ZNF7: variants seen among roughly 807,000 people sequenced by gnomAD.
The protein encoded by ZNF7 is C2-H2 type zinc finger protein.
A neutral mutation model predicts 12.0 loss-of-function variants in ZNF7; 10 were observed. That is an observed-to-expected ratio of 0.83 (90% CI 0.51 to 1.42). The LOEUF (loss-of-function observed/expected upper bound fraction) is 1.42. Among genes scored for constraint, ZNF7 ranks in the 40% most tolerant of loss-of-function variants. The pLI is 0.00. For synonymous variants in ZNF7, 334 were observed against 295.0 expected (o/e 1.13, Z -1.35); for missense variants, 854 against 837.2 (o/e 1.02, Z -0.25).
intron 4 of ZNF7, chr8:144,840,964 T>C (rs1829819122): frequency 4.9e-6 from 1 of 202,532 alleles, no homozygotes; most frequent in Admixed American, 5.4e-5. Flanking sequence ...CCCTGTACTG[T>C]TTCCTCGCCA....
rs1446107361 is a variant in ZNF7, at chr8:144,829,716, T to C, written c.130+112T>C. The C allele has an allele frequency of 5.1e-6, 7 of 1,368,696 alleles. No homozygotes were observed. The African/African-American group carries it at 8.7e-5, about 17-fold the overall frequency. The allele number at this position is 1,368,696 out of a possible 1,614,324, so 84.8% of individuals were successfully genotyped here. A position where few individuals can be genotyped will look rare whatever the true frequency, so the allele number is the denominator to read the frequency against. On this transcript the variant is annotated intron_variant, in intron 3 of 4. Coordinates refer to ENST00000532777, the MANE Select transcript of ZNF7 (RefSeq NM_003416.4). ...GCCAAACGCTCAGACCCTTGTGGGC[T>C]CCACAGGGGGCTTGGACTCATGAGT... is the stretch of plus-strand genomic sequence containing the variant.
At chr8:144,835,271 A>G (rs760437753) in intron 3 of ZNF7, 2 of 150,076 alleles carry the variant, frequency 1.3e-5, no homozygotes, top group Non-Finnish European at 3.0e-5. Flanking sequence ...TGGTGCGATT[A>G]TAGCTCACTG....
At chr8:144,839,363 T>C (rs1829549956) in intron 4 of ZNF7, among the ~76,000 whole-genome samples, 1 of 152,252 alleles carries the variant, frequency 6.6e-6, no homozygotes, top group African/African-American at 2.4e-5. Flanking sequence ...CTGGCCTCAC[T>C]GGCTCTGCTG....
chr8:144,829,325 A>G, intron 2 of ZNF7, 153 bp from the exon 3 acceptor site: 2 of 1,539,388 alleles, frequency 1.3e-6, no homozygotes, highest in South Asian at 1.2e-5. Flanking sequence ...CTCCTCCCCG[A>G]GACTGCCCCT....
chr8:144,837,394 G>T lies in ZNF7; in HGVS notation c.134G>T (p.Gly45Val). The T allele has an allele frequency of 6.2e-7, 1 of 1,608,592 alleles. No individual in the cohort carries two copies. The highest frequency in any genetic ancestry group is 8.5e-7 in the Non-Finnish European group (1 of 1,175,650). Residue 45 changes from glycine (G) to valine (V), a missense_variant, in exon 4 of 5, where the codon GGA becomes GTA. Gly to Val is a moderately radical substitution (Grantham distance 109). Transcript: ENST00000532777. ...GTCTTCTCTGCCGCACACACAGCAG[G>T]ATTCCTGGTTTTCAAGCCTGAGCTG... ...ENHSSVAGLAGFLVFKPELIS... is the reference protein window; with the variant it reads ...ENHSSVAGLAVFLVFKPELIS...
downstream of ZNF7, among the ~76,000 whole-genome samples, chr8:144,844,756 A>G (rs1045052062): frequency 6.6e-6 from 1 of 150,564 alleles, no homozygotes; most frequent in African/African-American, 2.4e-5. Flanking sequence ...GATGGAAAGA[A>G]GGTGGTTGGG....
chr8:144,839,203 T>C (rs1015921959), intron 4 of ZNF7, among the ~76,000 whole-genome samples: 5 of 151,654 alleles, frequency 3.3e-5, no homozygotes, highest in Non-Finnish European at 7.4e-5. Flanking sequence ...TCCATTCATA[T>C]GCGCCTAGGG....
chr8:144,827,570 G>T lies in ZNF7; in HGVS notation c.-85G>T. The T allele has an allele frequency of 1.0e-6, 1 of 985,706 alleles. No individual in the cohort carries two copies. The highest frequency in any genetic ancestry group is 4.7e-5 in the South Asian group (1 of 21,298). The allele number at this position is 985,706 out of a possible 1,614,324, so 61.1% of individuals were successfully genotyped here. A position where few individuals can be genotyped will look rare whatever the true frequency, so the allele number is the denominator to read the frequency against. On this transcript the variant is annotated 5_prime_UTR_variant, in exon 1 of 5. Transcript: ENST00000532777. Reference sequence around the variant, plus strand: ...GGGTGGCCAAGGCCCGTTTCCGGCGGCGTCGCGCGTTTGCGAGCCTCGGGT... The same window carrying T: ...GGGTGGCCAAGGCCCGTTTCCGGCGTCGTCGCGCGTTTGCGAGCCTCGGGT...
chr8:144,834,764 G>C (rs1315437576), intron 3 of ZNF7: 2 of 142,866 alleles, frequency 1.4e-5, no homozygotes, highest in East Asian at 4.0e-4. Context: ...TTTTTGAGAC[G>C]GAGTCTCGCT....
chr8:144,829,230 G>A, intron 2 of ZNF7, 140 bp downstream of exon 2: 1 of 1,558,118 alleles, frequency 6.4e-7, no homozygotes, highest in Non-Finnish European at 8.7e-7. Context: ...CCCCAAGGTA[G>A]TGAGCAAACC....
chr8:144,834,160 G>A (rs535289513), intron 3 of ZNF7: 1 of 152,192 alleles, frequency 6.6e-6, no homozygotes, highest in African/African-American at 2.4e-5. Context: ...TTCTGTCAAT[G>A]TAAAAGTTTT....
downstream of ZNF7, among the ~76,000 whole-genome samples, chr8:144,844,375 A>AG (rs911425231): frequency 1.2e-3 from 178 of 152,056 alleles, no homozygotes; most frequent in African/African-American, 4.1e-3. Context: ...TTTTTTTGGT[A>AG]GGGGGGAACG....
At chr8:144,828,301 C>T (rs978810607) in intron 1 of ZNF7, among the ~76,000 whole-genome samples, 3 of 152,232 alleles carry the variant, frequency 2.0e-5, no homozygotes, top group Non-Finnish European at 4.4e-5. Context: ...CAGATTACAT[C>T]CCTGTGCCTG....
At chr8:144,840,525 G>A (rs570437822) in intron 4 of ZNF7, among the ~76,000 whole-genome samples, 1 of 152,314 alleles carries the variant, frequency 6.6e-6, no homozygotes, top group South Asian at 2.1e-4. Context: ...CGTGTGTTGT[G>A]GTTGCATCCT....
rs761133973 is a variant in ZNF7, at chr8:144,841,453, T to C, written c.346T>C (p.Phe116Leu). 6.2e-7 allele frequency: 1 copy of C among 1,614,258 alleles called. No homozygotes were observed. The highest frequency in any genetic ancestry group is 8.5e-7 in the Non-Finnish European group (1 of 1,180,054). Residue 116 changes from phenylalanine (F) to leucine (L), a missense_variant, in exon 5 of 5, where the codon TTT becomes CTT. Physicochemically the swap from Phe to Leu is conservative, Grantham distance 22. Transcript: ENST00000532777. ...GTVVRISPQD[F>L]PQNPGFGDVS... ...AGTGGTCAGAATCTCCCCACAGGAC[T>C]TTCCTCAGAATCCTGGCTTTGGAGA...
intron 4 of ZNF7, chr8:144,837,861 G>C (rs1017921479): frequency 1.9e-6 from 1 of 540,134 alleles, no homozygotes; most frequent in Non-Finnish European, 3.3e-6. Flanking sequence ...TTGGCATTCA[G>C]TAACCTCTCC....
Position 144,842,986 on chromosome 8 carries a change from G to GT in ZNF7, c.1881dup (p.Asn628Ter). ...GTCCACCTTTGTGAGCCGTAAAAAGGTTAATACTATAAAGAAACTGCATCA... is the reference window on the plus strand; with the variant it reads ...GTCCACCTTTGTGAGCCGTAAAAAGGTTTAATACTATAAAGAAACTGCATCA... On this transcript the variant is annotated frameshift_variant, in exon 5 of 5. Transcript: ENST00000532777. LOFTEE classifies it low-confidence loss of function (END_TRUNC). The GT allele has an allele frequency of 6.2e-7, 1 of 1,614,208 alleles. No homozygotes were observed. The highest frequency in any genetic ancestry group is 8.5e-7 in the Non-Finnish European group (1 of 1,180,050).
Position 144,828,945 on chromosome 8 carries a change from C to T in ZNF7, c.-45-98C>T, listed in dbSNP as rs746713505. The T allele has an allele frequency of 5.1e-5, 75 of 1,467,262 alleles. No homozygotes were observed. The African/African-American group carries it at 6.9e-4, about 13-fold the overall frequency. The allele number at this position is 1,467,262 out of a possible 1,614,324, so 90.9% of individuals were successfully genotyped here. Reference sequence around the variant, plus strand: ...ATGTCCCTGCTAGAGAAATCTGGGGCTGGAGGTAAAGGAGCAGAGAGCACA... The same window carrying T: ...ATGTCCCTGCTAGAGAAATCTGGGGTTGGAGGTAAAGGAGCAGAGAGCACA... On this transcript the variant is annotated intron_variant, in intron 1 of 4. Coordinates refer to ENST00000532777, the MANE Select transcript of ZNF7 (RefSeq NM_003416.4).
At chr8:144,844,405 A>G (rs1023495328), downstream of ZNF7, among the ~76,000 whole-genome samples, 17 of 151,688 alleles carry the variant, frequency 1.1e-4, no homozygotes, top group African/African-American at 4.1e-4. Context: ...GGAAATAAAG[A>G]CAGTGGAGAA....
Sources: gnomAD v4.1 joint callset for allele counts (sites outside exome capture counted in the v4.1 genomes callset) on GRCh38, gnomAD v4.1.1 for gene constraint, MANE v1.5 for transcripts, NCBI Gene and HGNC (gene_info 2026-07-23, HGNC 2026-07-21) for gene names.